Variants in ELAPOR2 observed in about 807,000 individuals in gnomAD.
ELAPOR2 encodes endosome-lysosome associated apoptosis and autophagy regulator family member 2, also known as endosome/lysosome-associated apoptosis and autophagy regulator family member 2.
A neutral mutation model predicts 120.7 loss-of-function variants in ELAPOR2; 89 were observed. That is an observed-to-expected ratio of 0.74 (90% confidence interval 0.62 to 0.88). The LOEUF (loss-of-function observed/expected upper bound fraction) is 0.88, where lower values mean the gene tolerates loss of function less well. Ranked by LOEUF, ELAPOR2 falls within the 40% of genes least tolerant of loss-of-function variation. The pLI is 0.00. For synonymous variants in ELAPOR2, 444 were observed against 444.9 expected, an observed-to-expected ratio of 1.00 and a Z score of 0.03; for missense variants, 1,134 against 1,251.6, an observed-to-expected ratio of 0.91 and a Z score of 1.42.
intron 21 of ELAPOR2, among the ~76,000 whole-genome samples, chr7:86,889,012 A>G (rs902229869): frequency 6.6e-6 from 1 of 152,118 alleles, no homozygotes; most frequent in Non-Finnish European, 1.5e-5. Flanking sequence ...AGGAGTAGTC[A>G]TAAGAGATCT....
intron 9 of ELAPOR2, among the ~76,000 whole-genome samples, chr7:86,926,292 T>G (rs1790063387): frequency 6.6e-6 from 1 of 151,688 alleles, no homozygotes; most frequent in South Asian, 2.1e-4. Flanking sequence ...AGAAAAGGAG[T>G]AGGGAAAGAA....
At chr7:87,002,706 TACTGTATCCTTAAC>T (rs1175438401) in intron 1 of ELAPOR2, among the ~76,000 whole-genome samples, 1 of 152,124 alleles carries the variant, frequency 6.6e-6, no homozygotes, top group Non-Finnish European at 1.5e-5. Flanking sequence ...CTCAACTACC[TACTGTATCCTTAAC>T]ACTGAGTACT....
intron 18 of ELAPOR2, among the ~76,000 whole-genome samples, chr7:86,899,064 T>C (rs1200806856): frequency 6.6e-6 from 1 of 152,120 alleles, no homozygotes; most frequent in African/African-American, 2.4e-5. Flanking sequence ...CTGAAGATGA[T>C]GGATGTGGAT....
Position 86,938,959 on chromosome 7 carries a change from C to T in ELAPOR2, c.849G>A (p.Gly283=), listed in dbSNP as rs781130354. Residue 283 remains glycine (G), a splice_region_variant and synonymous_variant, in exon 7 of 22, where the codon GGG becomes GGA. Transcript: ENST00000450689. ...PVLVKNITIE[G]VAYTSECFPC... is the part of the protein sequence containing the mutation. Reference sequence around the variant, plus strand: ...GAAAACATTCTGATGTGTACGCCACCCCTGTGCAGTAATGAAAAACAGAGC... The same window carrying T: ...GAAAACATTCTGATGTGTACGCCACTCCTGTGCAGTAATGAAAAACAGAGC... 12 of 1,612,748 alleles carry T rather than the reference C, an allele frequency of 7.4e-6. No individual in the cohort carries two copies. The highest frequency in any genetic ancestry group is 1.0e-5 in the Non-Finnish European group (12 of 1,179,222).
At position 86,879,940 on chromosome 7, in the gene ELAPOR2, T is replaced by G. The variant is rs1291168503; in HGVS notation, c.*531A>C. ...ATAACCTATGGAAAAATGAAAAATT[T>G]ATTGTCTTCATTGCTCACCATTTTT... On this transcript the variant is annotated 3_prime_UTR_variant, in exon 22 of 22. Coordinates refer to ENST00000450689, the MANE Select transcript of ELAPOR2 (RefSeq NM_001142749.3). 3 of 152,272 alleles carry G rather than the reference T, an allele frequency of 2.0e-5. No homozygotes were observed. In the East Asian group the frequency reaches 5.8e-4, roughly 29 times the overall value. The allele number at this position is 152,272 out of a possible 1,614,324, so 9.4% of individuals were successfully genotyped here. A position where few individuals can be genotyped will look rare whatever the true frequency, so the allele number is the denominator to read the frequency against.
At chr7:86,982,022 C>A (rs1299460721) in intron 1 of ELAPOR2, among the ~76,000 whole-genome samples, 2 of 152,248 alleles carry the variant, frequency 1.3e-5, no homozygotes, top group African/African-American at 4.8e-5. Context: ...GCATCTGGCT[C>A]GGCAGGTCCC....
At chr7:87,000,733 C>T (rs1327331926) in intron 1 of ELAPOR2, among the ~76,000 whole-genome samples, 1 of 152,128 alleles carries the variant, frequency 6.6e-6, no homozygotes, top group Non-Finnish European at 1.5e-5. Context: ...ATCACAAAAA[C>T]AAAACATCAT....
Position 87,058,360 on chromosome 7 carries a change from C to G in ELAPOR2, c.189+965G>C, listed in dbSNP as rs1464247222. On this transcript the variant is annotated intron_variant, in intron 1 of 21. Transcript: ENST00000450689. Reference sequence around the variant, plus strand: ...AACGACCCATCGCCCTGATTCCTAACAATCTTCCTAAAAACAGTATCTATT... The same window carrying G: ...AACGACCCATCGCCCTGATTCCTAAGAATCTTCCTAAAAACAGTATCTATT... 2.0e-5 allele frequency among the ~76,000 whole-genome samples: 3 copies of G among 152,232 alleles called. No individual in the cohort carries two copies. In the East Asian group the frequency reaches 5.8e-4, roughly 29 times the overall value.
At chr7:87,035,195 T>C (rs1584023900) in intron 1 of ELAPOR2, among the ~76,000 whole-genome samples, 1 of 152,202 alleles carries the variant, frequency 6.6e-6, no homozygotes. Flanking sequence ...GAGCAGTCAT[T>C]GAACTGCCCC....
intron 1 of ELAPOR2, among the ~76,000 whole-genome samples, chr7:87,053,785 T>C (rs569992665): frequency 6.6e-6 from 1 of 152,192 alleles, no homozygotes; most frequent in Non-Finnish European, 1.5e-5. Flanking sequence ...CTGTGAGAGA[T>C]GTTCTCTCAC....
chr7:86,945,386 AC>A (rs1035613286), intron 3 of ELAPOR2, among the ~76,000 whole-genome samples: 5 of 152,214 alleles, frequency 3.3e-5, no homozygotes, highest in African/African-American at 1.2e-4. Context: ...AAACCCATAC[AC>A]ATGGCAAATC....
intron 1 of ELAPOR2, among the ~76,000 whole-genome samples, chr7:87,039,129 G>A (rs57607055): frequency 0.011 from 1,642 of 152,196 alleles, 35 homozygotes; most frequent in African/African-American, 0.038. Flanking sequence ...AGGCTACTAT[G>A]AGTAACTATA....
chr7:87,037,384 T>G (rs1232190727), intron 1 of ELAPOR2, among the ~76,000 whole-genome samples: 4 of 149,894 alleles, frequency 2.7e-5, no homozygotes, highest in African/African-American at 9.8e-5. Context: ...CTTCTCTCAA[T>G]TTTTTTATCT....
chr7:86,971,140 C>G (rs577436633), intron 1 of ELAPOR2, among the ~76,000 whole-genome samples: 1 of 152,152 alleles, frequency 6.6e-6, no homozygotes, highest in African/African-American at 2.4e-5. Flanking sequence ...TAACAACAAA[C>G]CTAGATCCCA....
At position 86,914,793 on chromosome 7, in the gene ELAPOR2, G is replaced by A. The variant is rs1789487383; in HGVS notation, c.1661C>T (p.Thr554Ile). 6.2e-7 allele frequency: 1 copy of A among 1,612,374 alleles called. No individual in the cohort carries two copies. The highest frequency in any genetic ancestry group is 8.5e-7 in the Non-Finnish European group (1 of 1,178,896). ...WGGTKEKQAYTHIIFKNATFT... is the reference protein window; with the variant it reads ...WGGTKEKQAYIHIIFKNATFT... ...AGTTGCATTCTTGAAGATGATATGG[G>A]TGTAAGCTTGTTTTTCTTTGGTTCC... Residue 554 changes from threonine to isoleucine, a missense_variant, in exon 13 of 22, where the codon ACC (threonine) becomes ATC (isoleucine). Thr to Ile is a moderately conservative substitution (Grantham distance 89, BLOSUM62 -1). This residue lies in a region of ELAPOR2 where 831 missense variants were observed against 867.6 expected (regional missense o/e 0.96). Coordinates refer to ENST00000450689, the MANE Select transcript of ELAPOR2 (RefSeq NM_001142749.3).
intron 1 of ELAPOR2, among the ~76,000 whole-genome samples, chr7:86,970,408 G>A (rs1219227403): frequency 6.6e-6 from 1 of 152,124 alleles, no homozygotes; most frequent in Admixed American, 6.6e-5. Context: ...GAAATGTTGA[G>A]AACACCATAA....
chr7:86,985,234 T>A (rs1792678768), intron 1 of ELAPOR2, among the ~76,000 whole-genome samples: 1 of 152,194 alleles, frequency 6.6e-6, no homozygotes, highest in Non-Finnish European at 1.5e-5. Context: ...CAGGACCAGA[T>A]GGATTCACAG....
At chr7:86,913,295 A>G (rs1789410479) in intron 13 of ELAPOR2, 91 bp from the exon 14 acceptor site, 1 of 1,247,508 alleles carries the variant, frequency 8.0e-7, no homozygotes, top group South Asian at 1.4e-5. Flanking sequence ...CAAAATAACT[A>G]AATAGAGTGT....
chr7:86,978,149 G>C (rs138410151), intron 1 of ELAPOR2, among the ~76,000 whole-genome samples: 323 of 152,186 alleles, frequency 2.1e-3, no homozygotes, highest in African/African-American at 6.5e-3. Context: ...AGTGAGTCTC[G>C]TGAGGTCTGA....
Sources: gnomAD v4.1 joint callset for allele counts (sites outside exome capture counted in the v4.1 genomes callset) on GRCh38, gnomAD v4.1.1 for gene constraint, gnomAD v4.1.1 regional missense constraint, MANE v1.5 for transcripts, NCBI Gene and HGNC (gene_info 2026-07-23, HGNC 2026-07-21) for gene names.